Variants in B3GALT1 observed in about 807,000 individuals in gnomAD.
B3GALT1 encodes UDP-Gal:betaGlcNAc beta 1,3-galactosyltransferase, polypeptide 1.
B3GALT1 carries 10 observed loss-of-function variants against 23.2 expected under a neutral mutation model. The ratio of observed to expected loss-of-function variants is 0.43; its 90% CI spans 0.27 to 0.73. B3GALT1 has a LOEUF of 0.73. Among genes scored for constraint, B3GALT1 ranks in the 30% least tolerant of loss-of-function variants. The probability of loss-of-function intolerance (pLI) is 0.21; values close to 1 mark genes in which losing one functional copy is unlikely to be tolerated. For missense variants in B3GALT1, 299 were observed against 405.4 expected (o/e 0.74, Z 2.25); for synonymous variants, 156 against 141.5 (o/e 1.10, Z -0.73).
rs112192781 is a variant in B3GALT1 at position 167,447,160 on chromosome 2, G to T, written c.-510-43017G>T. 3.5e-3 allele frequency among the ~76,000 whole-genome samples: 526 copies of T among 152,318 alleles called. 3 individuals carry two copies. Among genetic ancestry groups the T allele is most frequent in the African/African-American group, 0.012 (514 of 41,574 alleles). On this transcript the variant is annotated intron_variant, in intron 1 of 4. Transcript: ENST00000392690. ...CCTGTTTGCCTGGGTATCACCAGTG[G>T]AGGCTGCAGAACAGCTAATATCGCA...
rs1014218481 is a variant in B3GALT1 at position 167,862,294 on chromosome 2, G to A, written c.-229-6517G>A. On this transcript the variant is annotated intron_variant, in intron 4 of 4. Coordinates refer to ENST00000392690, the MANE Select transcript of B3GALT1 (RefSeq NM_020981.4). ...GTCCAAACCCAAAAACTTGAGAATC[G>A]GGGGAGCCAATGTTGTAAATCGCAG... Among the ~76,000 whole-genome samples, 9 of 152,160 alleles carry A rather than the reference G, an allele frequency of 5.9e-5. No homozygotes were observed. In the East Asian group the frequency reaches 1.5e-3, roughly 26 times the overall value.
intron 3 of B3GALT1, among the ~76,000 whole-genome samples, chr2:167,767,863 A>G (rs543496828): frequency 6.6e-6 from 1 of 152,182 alleles, no homozygotes; most frequent in African/African-American, 2.4e-5. Context: ...ATAGAGGCTG[A>G]GAAGTCCCAT....
intron 3 of B3GALT1, among the ~76,000 whole-genome samples, chr2:167,682,944 A>T (rs894155903): frequency 6.6e-6 from 1 of 152,250 alleles, no homozygotes; most frequent in African/African-American, 2.4e-5. Flanking sequence ...CAATTGTTCA[A>T]GACTGAAAGA....
At chr2:167,628,720 G>T (rs1685388745) in intron 2 of B3GALT1, among the ~76,000 whole-genome samples, 1 of 151,658 alleles carries the variant, frequency 6.6e-6, no homozygotes, top group Non-Finnish European at 1.5e-5. Flanking sequence ...TGGAGGCATG[G>T]GCCTGGGGAT....
At chr2:167,502,686 G>T (rs1439267437) in intron 2 of B3GALT1, among the ~76,000 whole-genome samples, 4 of 152,064 alleles carry the variant, frequency 2.6e-5, no homozygotes, top group African/African-American at 9.7e-5. Context: ...GCAAGGGGGG[G>T]ATCCACCCCC....
At chr2:167,635,453 A>G (rs1685533934) in intron 2 of B3GALT1, among the ~76,000 whole-genome samples, 1 of 152,124 alleles carries the variant, frequency 6.6e-6, no homozygotes, top group Admixed American at 6.5e-5. Flanking sequence ...AAAAAACCCT[A>G]TTGTCTCAGC....
chr2:167,443,369 G>A (rs1024904984), intron 1 of B3GALT1, among the ~76,000 whole-genome samples: 3 of 152,122 alleles, frequency 2.0e-5, no homozygotes, highest in African/African-American at 7.2e-5. Flanking sequence ...CTCTTTTTTG[G>A]TTCCATATGA....
chr2:167,778,295 T>TC (rs1688195214), intron 3 of B3GALT1, among the ~76,000 whole-genome samples: 2 of 152,064 alleles, frequency 1.3e-5, no homozygotes, highest in African/African-American at 4.8e-5. Flanking sequence ...TCTCTTTTCC[T>TC]CCCCCTATTT....
chr2:167,745,095 T>A (rs1301346602), intron 3 of B3GALT1, among the ~76,000 whole-genome samples: 2 of 146,908 alleles, frequency 1.4e-5, no homozygotes, highest in East Asian at 3.9e-4. Context: ...TAATGAAAAC[T>A]ATTTTTTGTC....
intron 3 of B3GALT1, among the ~76,000 whole-genome samples, chr2:167,670,700 A>G (rs990182001): frequency 6.6e-6 from 1 of 152,246 alleles, no homozygotes; most frequent in African/African-American, 2.4e-5. Context: ...CTAACAAGAT[A>G]GAAATCATGA....
chr2:167,331,961 G>A (rs901662909), intron 1 of B3GALT1, among the ~76,000 whole-genome samples: 11 of 152,162 alleles, frequency 7.2e-5, no homozygotes, highest in Admixed American at 5.2e-4. Context: ...GCGCAGCTGC[G>A]TGGGATTGCA....
chr2:167,625,983 ATATG>A (rs1228920422), intron 2 of B3GALT1, among the ~76,000 whole-genome samples: 50 of 137,208 alleles, frequency 3.6e-4, no homozygotes, highest in African/African-American at 1.3e-3. Flanking sequence ...ATATATATAT[ATATG>A]ACCTAAGCCA....
At chr2:167,491,332 C>T (rs917900967) in intron 2 of B3GALT1, among the ~76,000 whole-genome samples, 3 of 152,210 alleles carry the variant, frequency 2.0e-5, no homozygotes, top group South Asian at 4.1e-4. Context: ...GGTACCACCT[C>T]GGGAATAAGA....
chr2:167,694,479 C>G (rs932279586), intron 3 of B3GALT1, among the ~76,000 whole-genome samples: 1 of 152,016 alleles, frequency 6.6e-6, no homozygotes, highest in African/African-American at 2.4e-5. Context: ...TGTTTTCTAT[C>G]TAAAGAACTA....
At chr2:167,824,140 G>A (rs1399635955) in intron 4 of B3GALT1, among the ~76,000 whole-genome samples, 3 of 152,182 alleles carry the variant, frequency 2.0e-5, no homozygotes, top group African/African-American at 7.2e-5. Context: ...ACCCATGATG[G>A]GGACTTCATT....
At chr2:167,676,513 T>A (rs1574206941) in intron 3 of B3GALT1, among the ~76,000 whole-genome samples, 1 of 100,832 alleles carries the variant, frequency 9.9e-6, no homozygotes, top group Non-Finnish European at 2.0e-5. Context: ...ACGTGTATGT[T>A]TATACACACA....
chr2:167,561,266 A>C (rs1385541822), intron 2 of B3GALT1, among the ~76,000 whole-genome samples: 1 of 152,242 alleles, frequency 6.6e-6, no homozygotes, highest in East Asian at 1.9e-4. Flanking sequence ...ACAAGAACAA[A>C]GACACAACAT....
At chr2:167,575,260 C>G (rs1684360719) in intron 2 of B3GALT1, among the ~76,000 whole-genome samples, 2 of 151,790 alleles carry the variant, frequency 1.3e-5, no homozygotes, top group African/African-American at 4.8e-5. Flanking sequence ...TTGTCAAATA[C>G]TGACTTTACA....
chr2:167,472,444 G>A (rs539697152), intron 1 of B3GALT1, among the ~76,000 whole-genome samples: 9 of 152,204 alleles, frequency 5.9e-5, no homozygotes, highest in Non-Finnish European at 1.2e-4. Flanking sequence ...GTCTAATTCA[G>A]TGTTTCCCAT....
Sources: allele counts gnomAD v4.1 joint callset (sites outside exome capture counted in the v4.1 genomes callset), GRCh38; gene constraint gnomAD v4.1.1; transcripts MANE v1.5; gene names NCBI Gene and HGNC (gene_info 2026-07-23, HGNC 2026-07-21).